The following EEIG2 variants were observed in gnomAD, a reference collection of about 807,000 sequenced individuals.
EEIG2 encodes family with sequence similarity 102 member B.
chr1:108,625,809 TG>T, the EEIG2 span: 5,376 of 142,458 alleles, frequency 0.038, 148 homozygotes, highest in East Asian at 0.086. Context: ...TGTGTGTGTG[TG>T]TGTGTGTGTG....
At chr1:108,624,535 G>A in the EEIG2 span, 1 of 706,964 alleles carries the variant, frequency 1.4e-6, no homozygotes. Flanking sequence ...CTCTCAAAGG[G>A]GTAACATTAC....
chr1:108,598,789 C>CT, the EEIG2 span, among the ~76,000 whole-genome samples: 73 of 151,320 alleles, frequency 4.8e-4, no homozygotes, highest in South Asian at 4.0e-3. Flanking sequence ...ATTATGTTTG[C>CT]TTTTTTTTTA....
At chr1:108,565,440 G>A in the EEIG2 span, among the ~76,000 whole-genome samples, 6 of 152,230 alleles carry the variant, frequency 3.9e-5, no homozygotes, top group Admixed American at 1.3e-4. Context: ...CAAAAGGACA[G>A]TATTATTGTA....
the EEIG2 span, chr1:108,635,935 T>C: frequency 6.6e-6 from 1 of 152,224 alleles, no homozygotes; most frequent in Admixed American, 6.5e-5. Flanking sequence ...TCTTAACTCA[T>C]TGAATATTAA....
chr1:108,560,622 G>T, the EEIG2 span: 5 of 1,578,340 alleles, frequency 3.2e-6, no homozygotes, highest in Non-Finnish European at 4.3e-6. Flanking sequence ...CTTGTTGGAT[G>T]GGCAGCATCT....
At chr1:108,598,860 G>C in the EEIG2 span, among the ~76,000 whole-genome samples, 244 of 152,190 alleles carry the variant, frequency 1.6e-3, 1 homozygote, top group African/African-American at 5.5e-3. Context: ...AGGCCAGGTG[G>C]CTTACACCTG....
chr1:108,613,130 G>T, the EEIG2 span, among the ~76,000 whole-genome samples: 5 of 152,208 alleles, frequency 3.3e-5, no homozygotes, highest in African/African-American at 1.2e-4. Context: ...AGGTGGGACA[G>T]CGAGTTGATA....
the EEIG2 span, among the ~76,000 whole-genome samples, chr1:108,602,809 G>A: frequency 2.0e-5 from 3 of 152,084 alleles, no homozygotes; most frequent in East Asian, 1.9e-4. Context: ...GAGCCCAGAA[G>A]GCTGCAGTGA....
chr1:108,577,923 A>T, the EEIG2 span, among the ~76,000 whole-genome samples: 2 of 151,518 alleles, frequency 1.3e-5, no homozygotes, highest in Non-Finnish European at 2.9e-5. Flanking sequence ...GATTCTTCCT[A>T]CCCATGAGCA....
At chr1:108,613,077 G>A in the EEIG2 span, among the ~76,000 whole-genome samples, 1 of 152,172 alleles carries the variant, frequency 6.6e-6, no homozygotes, top group Non-Finnish European at 1.5e-5. Context: ...AATGCATAAA[G>A]TGGTTTTTGT....
chr1:108,592,967 G>C, the EEIG2 span, among the ~76,000 whole-genome samples: 1 of 152,028 alleles, frequency 6.6e-6, no homozygotes, highest in Non-Finnish European at 1.5e-5. Flanking sequence ...AGATGAGCCT[G>C]GCCAACTTGG....
the EEIG2 span, among the ~76,000 whole-genome samples, chr1:108,619,192 A>G: frequency 6.6e-6 from 1 of 152,206 alleles, no homozygotes; most frequent in Non-Finnish European, 1.5e-5. Flanking sequence ...CTAATGTTTT[A>G]TATTATCTCC....
At chr1:108,580,621 AT>A in the EEIG2 span, among the ~76,000 whole-genome samples, 2 of 152,206 alleles carry the variant, frequency 1.3e-5, no homozygotes, top group Non-Finnish European at 2.9e-5. Context: ...TATTGCTGAT[AT>A]GGAGAAAATC....
At chr1:108,576,843 C>T in the EEIG2 span, among the ~76,000 whole-genome samples, 1 of 152,080 alleles carries the variant, frequency 6.6e-6, no homozygotes, top group Non-Finnish European at 1.5e-5. Flanking sequence ...AATGGTATTT[C>T]TAGTTATAGA....
chr1:108,613,871 G>C, the EEIG2 span, among the ~76,000 whole-genome samples: 1 of 151,536 alleles, frequency 6.6e-6, no homozygotes, highest in Non-Finnish European at 1.5e-5. Flanking sequence ...AAGGCTTCTC[G>C]GTTCCTTAAA....
At chr1:108,626,197 G>T in the EEIG2 span, 2 of 152,038 alleles carry the variant, frequency 1.3e-5, no homozygotes, top group Admixed American at 6.6e-5. Context: ...CTATACCCTT[G>T]GCTTTATCTA....
the EEIG2 span, among the ~76,000 whole-genome samples, chr1:108,576,302 T>G: frequency 2.0e-5 from 3 of 151,994 alleles, no homozygotes; most frequent in Non-Finnish European, 4.4e-5. Context: ...GATACTGCAT[T>G]TTTTTTATTA....
chr1:108,628,844 G>A, the EEIG2 span: 1 of 1,584,332 alleles, frequency 6.3e-7, no homozygotes, highest in Non-Finnish European at 8.6e-7. Flanking sequence ...CTGCAATCCA[G>A]GTTTTTGTAA....
chr1:108,627,583 A>T, the EEIG2 span: 1 of 152,276 alleles, frequency 6.6e-6, no homozygotes, highest in Non-Finnish European at 1.5e-5. Context: ...GAATATGAAT[A>T]CTATAATCAC....
Sources: gnomAD v4.1 joint callset for allele counts (sites outside exome capture counted in the v4.1 genomes callset) on GRCh38, gnomAD v4.1.1 for gene constraint, MANE v1.5 for transcripts, NCBI Gene and HGNC (gene_info 2026-07-23, HGNC 2026-07-21) for gene names.